The following CNTNAP2 variants were observed in gnomAD, a reference collection of about 807,000 sequenced individuals.
CNTNAP2 encodes contactin associated protein 2.
A neutral mutation model predicts 155.2 loss-of-function variants in CNTNAP2; 98 were observed. The observed-to-expected ratio is 0.63, with a 90% CI of 0.54 to 0.75. The LOEUF (loss-of-function observed/expected upper bound fraction) is 0.75, where lower values mean the gene tolerates loss of function less well. Among genes scored for constraint, CNTNAP2 ranks in the 30% least tolerant of loss-of-function variants. CNTNAP2 has a pLI of 0.00. For missense variants in CNTNAP2, 1,727 were observed against 1,688.1 expected (o/e 1.02, Z -0.40); for synonymous variants, 651 against 631.2 (o/e 1.03, Z -0.47).
rs559274326 is a variant in CNTNAP2, at chr7:148,296,603, G to C, written c.3475+29477G>C. ...GAAATTCTGCCAGTTAAAGACACAAGCATGTCAGTTAAGGTGATGTGAGAA... is the reference window on the plus strand; with the variant it reads ...GAAATTCTGCCAGTTAAAGACACAACCATGTCAGTTAAGGTGATGTGAGAA... On this transcript the variant is annotated intron_variant, in intron 21 of 23. Coordinates refer to ENST00000361727, the MANE Select transcript of CNTNAP2 (RefSeq NM_014141.6). Among the ~76,000 whole-genome samples the C allele has an allele frequency of 4.9e-4, 70 of 142,112 alleles. No individual in the cohort carries two copies. In the South Asian group the frequency reaches 0.016, roughly 32 times the overall value. The allele number at this position is 142,112 out of a possible 152,430, so 93.2% of individuals were successfully genotyped here. A position where few individuals can be genotyped will look rare whatever the true frequency, so the allele number is the denominator to read the frequency against.
intron 17 of CNTNAP2, among the ~76,000 whole-genome samples, chr7:148,158,742 A>G (rs1805454685): frequency 6.6e-6 from 1 of 152,138 alleles, no homozygotes; most frequent in Non-Finnish European, 1.5e-5. Context: ...CAACATCCTC[A>G]TGGCAATTGG....
chr7:146,445,545 C>G (rs574466623), intron 1 of CNTNAP2, among the ~76,000 whole-genome samples: 8 of 152,076 alleles, frequency 5.3e-5, no homozygotes, highest in Non-Finnish European at 1.0e-4. Context: ...TAAAATTGTT[C>G]AAAACAAGAA....
chr7:146,744,680 T>C (rs1264201199), intron 1 of CNTNAP2, among the ~76,000 whole-genome samples: 1 of 152,202 alleles, frequency 6.6e-6, no homozygotes, highest in East Asian at 1.9e-4. Flanking sequence ...ATCTTGCATG[T>C]CACACCAATT....
At chr7:146,761,335 A>G (rs188143592) in intron 1 of CNTNAP2, among the ~76,000 whole-genome samples, 1 of 144,692 alleles carries the variant, frequency 6.9e-6, no homozygotes, top group Non-Finnish European at 1.5e-5. Flanking sequence ...GGAAGGAAGG[A>G]AAATAGGAAA....
At chr7:148,378,098 C>T (rs1798989848) in intron 21 of CNTNAP2, among the ~76,000 whole-genome samples, 1 of 68,340 alleles carries the variant, frequency 1.5e-5, no homozygotes, top group South Asian at 4.0e-4. Context: ...TCTGTATATT[C>T]ATTCCTACAG....
chr7:146,796,991 C>G (rs1379593083), intron 2 of CNTNAP2, among the ~76,000 whole-genome samples: 1 of 152,064 alleles, frequency 6.6e-6, no homozygotes, highest in Non-Finnish European at 1.5e-5. Flanking sequence ...AAAAACTTAG[C>G]CAGGCATGGT....
intron 1 of CNTNAP2, among the ~76,000 whole-genome samples, chr7:146,332,306 A>G (rs559252250): frequency 9.0e-5 from 13 of 143,932 alleles, no homozygotes; most frequent in South Asian, 6.2e-4. Context: ...AAATAAACAT[A>G]TAAAAATAAT....
At chr7:147,086,296 CAAA>C (rs1440159479) in intron 4 of CNTNAP2, among the ~76,000 whole-genome samples, 2 of 151,786 alleles carry the variant, frequency 1.3e-5, no homozygotes, top group African/African-American at 4.8e-5. Flanking sequence ...AAATATGAAA[CAAA>C]GAAGAAAATA....
Position 146,644,355 on chromosome 7 carries a change from T to G in CNTNAP2, c.98-129916T>G, listed in dbSNP as rs570018789. On this transcript the variant is annotated intron_variant, in intron 1 of 23. Transcript: ENST00000361727. ...TCAATACCTAATTTATGGAGAGTTTTTAGCATGAAGGGTTGTTGAATTTTG... is the reference window on the plus strand; with the variant it reads ...TCAATACCTAATTTATGGAGAGTTTGTAGCATGAAGGGTTGTTGAATTTTG... Among the ~76,000 whole-genome samples the G allele has an allele frequency of 3.9e-5, 6 of 152,306 alleles. No individual in the cohort carries two copies. The South Asian group carries it at 1.2e-3, about 32-fold the overall frequency.
intron 11 of CNTNAP2, among the ~76,000 whole-genome samples, chr7:147,515,680 G>C (rs192602452): frequency 6.6e-6 from 1 of 151,922 alleles, no homozygotes; most frequent in Non-Finnish European, 1.5e-5. Flanking sequence ...CCTGTCTCCC[G>C]CAATTAGAAT....
intron 11 of CNTNAP2, among the ~76,000 whole-genome samples, chr7:147,550,910 GAA>G (rs1286229855): frequency 1.3e-5 from 2 of 152,132 alleles, no homozygotes; most frequent in African/African-American, 4.8e-5. Context: ...AATGCTGTAA[GAA>G]ATCATAAATT....
chr7:147,714,836 G>T (rs191447926), intron 13 of CNTNAP2, among the ~76,000 whole-genome samples: 2 of 151,930 alleles, frequency 1.3e-5, no homozygotes, highest in Non-Finnish European at 2.9e-5. Context: ...TATTTACAGC[G>T]GAATCTACAC....
chr7:147,939,030 T>C (rs952755698), intron 14 of CNTNAP2, among the ~76,000 whole-genome samples: 1 of 152,232 alleles, frequency 6.6e-6, no homozygotes, highest in Non-Finnish European at 1.5e-5. Context: ...CATCATTTCC[T>C]GTGCCCATTT....
rs183730368 is a variant in CNTNAP2, at chr7:146,884,105, T to C, written c.402+44201T>C. Among the ~76,000 whole-genome samples the C allele has an allele frequency of 8.5e-4, 129 of 152,220 alleles. 2 individuals carry two copies. The East Asian group carries it at 0.024, about 28-fold the overall frequency. On this transcript the variant is annotated intron_variant, in intron 3 of 23. Transcript: ENST00000361727. ...ATTGTCCCTGGGTATATGCAGGGGA[T>C]GGGTTCCAGGACCGTCTGCCTATAC...
At chr7:148,264,652 A>T (rs1359171340) in intron 20 of CNTNAP2, among the ~76,000 whole-genome samples, 2 of 152,208 alleles carry the variant, frequency 1.3e-5, no homozygotes, top group Admixed American at 6.5e-5. Flanking sequence ...ATCCATTTTT[A>T]AAATTCTTTA....
At chr7:146,324,650 CT>C (rs1451558009) in intron 1 of CNTNAP2, among the ~76,000 whole-genome samples, 1 of 151,966 alleles carries the variant, frequency 6.6e-6, no homozygotes, top group African/African-American at 2.4e-5. Flanking sequence ...AATTGCTTTG[CT>C]TTTTCTAATA....
At chr7:147,174,165 C>T (rs1016481052) in intron 8 of CNTNAP2, among the ~76,000 whole-genome samples, 5 of 152,074 alleles carry the variant, frequency 3.3e-5, no homozygotes, top group African/African-American at 1.2e-4. Flanking sequence ...GTTTTTCTGT[C>T]TCAAAAACTG....
At chr7:147,577,862 T>C (rs891818181) in intron 12 of CNTNAP2, among the ~76,000 whole-genome samples, 1 of 152,106 alleles carries the variant, frequency 6.6e-6, no homozygotes, top group Non-Finnish European at 1.5e-5. Context: ...TCTCACCACC[T>C]CTACTCTCCT....
At chr7:148,341,616 A>G (rs1798237109) in intron 21 of CNTNAP2, among the ~76,000 whole-genome samples, 1 of 152,162 alleles carries the variant, frequency 6.6e-6, no homozygotes, top group South Asian at 2.1e-4. Flanking sequence ...AGCAGAAGCC[A>G]GGTTGGTCTG....
Sources: allele counts gnomAD v4.1 joint callset (sites outside exome capture counted in the v4.1 genomes callset), GRCh38; gene constraint gnomAD v4.1.1; transcripts MANE v1.5; gene names NCBI Gene and HGNC (gene_info 2026-07-23, HGNC 2026-07-21).